Variants in PPHLN1 observed in about 807,000 individuals in gnomAD.
The protein encoded by PPHLN1 is periphilin 1, also known as periphilin-1.
A neutral mutation model predicts 51.3 loss-of-function variants in PPHLN1; 29 were observed. The ratio of observed to expected loss-of-function variants is 0.57; its 90% CI spans 0.42 to 0.77. The LOEUF (loss-of-function observed/expected upper bound fraction) is 0.77, where lower values mean the gene tolerates loss of function less well. PPHLN1 is among the 30% of genes least tolerant of loss of function. PPHLN1 has a pLI of 0.00. For missense variants in PPHLN1, 436 were observed against 438.4 expected, an observed-to-expected ratio of 0.99 and a Z score of 0.05; for synonymous variants, 147 against 147.8, an observed-to-expected ratio of 0.99 and a Z score of 0.04.
intron 9 of PPHLN1, among the ~76,000 whole-genome samples, chr12:42,428,578 G>C (rs1341311257): frequency 6.6e-6 from 1 of 152,050 alleles, no homozygotes; most frequent in Non-Finnish European, 1.5e-5. Context: ...GGGGTGCAAA[G>C]GCATAAGAAA....
chr12:42,406,635 A>T (rs2079340106), intron 9 of PPHLN1, among the ~76,000 whole-genome samples: 2 of 151,882 alleles, frequency 1.3e-5, no homozygotes, highest in Non-Finnish European at 2.9e-5. Context: ...TCTTTTTTTC[A>T]GTTGATTAGT....
chr12:42,417,922 T>G (rs968883535), intron 9 of PPHLN1, among the ~76,000 whole-genome samples: 3 of 42,298 alleles, frequency 7.1e-5, no homozygotes, highest in Admixed American at 7.7e-4. Flanking sequence ...AAGCCCTAGT[T>G]TTTTTTTTTG....
chr12:42,355,464 C>T (rs552310236), intron 4 of PPHLN1: 15 of 374,602 alleles, frequency 4.0e-5, no homozygotes, highest in Admixed American at 2.0e-4. Context: ...GGGCCTGGTG[C>T]GGTGGCTCAC....
chr12:42,363,674 C>T lies in PPHLN1; in HGVS notation c.299+8452C>T, dbSNP rs548371198. On this transcript the variant is annotated intron_variant, in intron 4 of 9. Coordinates refer to ENST00000358314, the MANE Select transcript of PPHLN1 (RefSeq NM_201439.2). The stretch of plus-strand genomic sequence containing the variant: ...TGCCCTGCCCCGCTCTGAAAGTGAT[C>T]ACTTTCATATTTGGGCATGCCTGGT... Among the ~76,000 whole-genome samples the T allele has an allele frequency of 3.3e-5, 5 of 152,000 alleles. No individual in the cohort carries two copies. In the East Asian group the frequency reaches 9.6e-4, roughly 29 times the overall value.
chr12:42,353,080 C>G (rs139065154), intron 3 of PPHLN1, among the ~76,000 whole-genome samples: 1,843 of 145,332 alleles, frequency 0.013, 32 homozygotes, highest in African/African-American at 0.044. Context: ...TAGAGCGAGA[C>G]TTTGTCTCAA....
chr12:42,365,548 G>A (rs2075179427), intron 4 of PPHLN1, among the ~76,000 whole-genome samples: 1 of 152,170 alleles, frequency 6.6e-6, no homozygotes, highest in Non-Finnish European at 1.5e-5. Flanking sequence ...TTACCTTGGG[G>A]ATTTGTATTA....
chr12:42,343,862 C>T (rs1230430902), intron 2 of PPHLN1: 2 of 440,160 alleles, frequency 4.5e-6, no homozygotes, highest in Admixed American at 2.6e-5. Context: ...CACCAAAAGA[C>T]GTTGGAATGA....
rs60029170 is a variant in PPHLN1 at position 42,418,211 on chromosome 12, CTT to C, written c.909+19242_909+19243del. The stretch of plus-strand genomic sequence containing the variant: ...CGCCTCGACCACTGCTCCCGGCCCT[CTT>C]TTTTTTTTTTTTTTTTTTTTTTTTA... On this transcript the variant is annotated intron_variant, in intron 9 of 9. Coordinates refer to ENST00000358314, the MANE Select transcript of PPHLN1 (RefSeq NM_201439.2). Among the ~76,000 whole-genome samples the C allele has an allele frequency of 4.3e-3, 427 of 98,336 alleles. 1 individual carries two copies. The highest frequency in any genetic ancestry group is 9.8e-3 in the South Asian group (24 of 2,458). 64.5% of individuals were successfully genotyped at this position (98,336 alleles called of 152,430 possible).
rs374936601 is a variant in PPHLN1 at position 42,393,543 on chromosome 12, G to A, written c.649-27G>A. On this transcript the variant is annotated intron_variant, in intron 7 of 9. Coordinates refer to ENST00000358314, the MANE Select transcript of PPHLN1 (RefSeq NM_201439.2). ...TGAAGTTTAAAAGCCCTTGAGAATT[G>A]TAACAGAAATGTTCTATTTTTATTA... 3.9e-6 allele frequency: 6 copies of A among 1,548,898 alleles called. No individual in the cohort carries two copies. The African/African-American group carries it at 4.2e-5, about 11-fold the overall frequency.
At chr12:42,418,063 C>T (rs911824606) in intron 9 of PPHLN1, among the ~76,000 whole-genome samples, 50 of 150,624 alleles carry the variant, frequency 3.3e-4, no homozygotes, top group African/African-American at 1.2e-3. Flanking sequence ...CCTCAGCCTC[C>T]TACGTAGCTG....
chr12:42,345,221 C>A (rs1001500996), intron 2 of PPHLN1, among the ~76,000 whole-genome samples: 1 of 152,080 alleles, frequency 6.6e-6, no homozygotes, highest in African/African-American at 2.4e-5. Flanking sequence ...TTAACGTAAG[C>A]AAACCAAAGA....
intron 4 of PPHLN1, chr12:42,359,343 C>G (rs1019778390): frequency 6.6e-6 from 1 of 152,150 alleles, no homozygotes; most frequent in East Asian, 1.9e-4. Flanking sequence ...CTTCTAGTCT[C>G]TGGGAATATA....
chr12:42,355,275 T>C, intron 4 of PPHLN1, 53 bp downstream of exon 4: 4 of 1,464,132 alleles, frequency 2.7e-6, no homozygotes, highest in Non-Finnish European at 3.8e-6. Flanking sequence ...CTCACTGTGA[T>C]GTCTGCTTTG....
At chr12:42,434,010 T>C (rs1283153798) in intron 9 of PPHLN1, among the ~76,000 whole-genome samples, 1 of 152,204 alleles carries the variant, frequency 6.6e-6, no homozygotes, top group Non-Finnish European at 1.5e-5. Flanking sequence ...GCTGAACAGG[T>C]AGAGCTGCTA....
rs763250965 is a variant in PPHLN1 at position 42,384,954 on chromosome 12, G to C, written c.526G>C (p.Gly176Arg). 4.1e-5 allele frequency: 66 copies of C among 1,611,150 alleles called. No individual in the cohort carries two copies. The highest frequency in any genetic ancestry group is 5.5e-5 in the Non-Finnish European group (65 of 1,177,398). Residue 176 changes from glycine to arginine, a missense_variant, in exon 6 of 10, where the codon GGT (glycine) becomes CGT (arginine). Transcript: ENST00000358314. ...QSQHRKSVRP[G>R]ASYKRQNEGN... ...CCTTTCCATAGAGTCCGTGCGTCCTGGTGCCTCCTACAAACGGCAGAATGA... is the reference window on the plus strand; with the variant it reads ...CCTTTCCATAGAGTCCGTGCGTCCTCGTGCCTCCTACAAACGGCAGAATGA...
chr12:42,343,110 C>G (rs1185032601), intron 2 of PPHLN1, among the ~76,000 whole-genome samples: 1 of 152,194 alleles, frequency 6.6e-6, no homozygotes, highest in Non-Finnish European at 1.5e-5. Context: ...TTTTGACTAA[C>G]TTGACAGTCA....
At chr12:42,447,751 T>C (rs916737704), downstream of PPHLN1, 19 of 152,208 alleles carry the variant, frequency 1.2e-4, no homozygotes, top group African/African-American at 4.3e-4. Flanking sequence ...ATAAAAATTA[T>C]ATTAAAAGAG....
chr12:42,373,233 C>T (rs985224455), intron 4 of PPHLN1, among the ~76,000 whole-genome samples: 1 of 152,146 alleles, frequency 6.6e-6, no homozygotes, highest in African/African-American at 2.4e-5. Flanking sequence ...TATTTAATAC[C>T]CATATCACCA....
At chr12:42,443,586 G>C (rs898767263), downstream of PPHLN1, 1 of 152,184 alleles carries the variant, frequency 6.6e-6, no homozygotes, top group Admixed American at 6.5e-5. Context: ...GGCCTTTAAA[G>C]GGAGAGAAAT....
Sources: allele counts gnomAD v4.1 joint callset (sites outside exome capture counted in the v4.1 genomes callset), GRCh38; gene constraint gnomAD v4.1.1; transcripts MANE v1.5; gene names NCBI Gene and HGNC (gene_info 2026-07-23, HGNC 2026-07-21).